The following MED17 variants were observed in gnomAD, a reference collection of about 807,000 sequenced individuals.
MED17 encodes the protein mediator complex subunit 17, also known as mediator of RNA polymerase II transcription subunit 17.
A neutral mutation model predicts 80.8 loss-of-function variants in MED17; 49 were observed. That is an observed-to-expected ratio of 0.61 (90% CI 0.48 to 0.77). The LOEUF (loss-of-function observed/expected upper bound fraction) is 0.77, where lower values mean the gene tolerates loss of function less well. Ranked by LOEUF, MED17 falls within the 30% of genes least tolerant of loss-of-function variation. MED17 has a pLI of 0.00. For synonymous variants in MED17, 281 were observed against 280.4 expected (o/e 1.00, Z -0.02); for missense variants, 718 against 787.0 (o/e 0.91, Z 1.05).
In MED17 at chr11:93,790,713, A is replaced by C; in HGVS notation, c.557A>C (p.Glu186Ala). The C allele has an allele frequency of 6.2e-7, 1 of 1,614,266 alleles. No individual in the cohort carries two copies. The highest frequency in any genetic ancestry group is 1.3e-5 in the African/African-American group (1 of 75,068). Residue 186 changes from glutamate (E) to alanine (A), a missense_variant, in exon 3 of 12, where the codon GAG becomes GCG. Transcript: ENST00000251871. Reference protein sequence around the residue: ...ENKLQRDFNSELLRLRQHWKL... With the variant: ...ENKLQRDFNSALLRLRQHWKL... ...AAGCTACAAAGAGACTTCAATTCTG[A>C]GCTTTTGCGATTACGGCAACACTGG...
At chr11:93,790,316 T>C (rs1209636224) in intron 2 of MED17, 1 of 554,584 alleles carries the variant, frequency 1.8e-6, no homozygotes, top group African/African-American at 1.9e-5. Flanking sequence ...GAGGGGACCC[T>C]AACAGGCTGG....
At chr11:93,796,324 G>A (rs920467775) in intron 6 of MED17, 86 bp from the exon 7 acceptor site, 16 of 1,209,406 alleles carry the variant, frequency 1.3e-5, no homozygotes, top group South Asian at 2.5e-5. Context: ...TTTTGAAAAT[G>A]AACTATGATT....
At chr11:93,797,773 T>A in intron 8 of MED17, 54 bp downstream of exon 8, 1 of 1,492,918 alleles carries the variant, frequency 6.7e-7, no homozygotes, top group Non-Finnish European at 9.3e-7. Flanking sequence ...TTGCAGTGTT[T>A]TCTTCTGTTA....
intron 11 of MED17, chr11:93,810,770 T>G (rs1944078734): frequency 6.6e-6 from 1 of 152,222 alleles, no homozygotes; most frequent in African/African-American, 2.4e-5. Flanking sequence ...TAGCTTAAAT[T>G]TACATTTGAA....
chr11:93,809,855 A>G lies in MED17; in HGVS notation c.1723A>G (p.Ser575Gly), dbSNP rs761173998. 5.6e-6 allele frequency: 9 copies of G among 1,614,070 alleles called. No individual in the cohort carries two copies. In the African/African-American group the frequency reaches 6.7e-5, roughly 12 times the overall value. ...ATCTGCCATCACGGTGGCCTCCCCA[A>G]GTGGTGACTATGCTATTTCAGGTAC... ...NASAITVASP[S>G]GDYAISVRNG... Residue 575 changes from serine to glycine, a missense_variant, in exon 11 of 12, where the codon AGT (serine) becomes GGT (glycine). Coordinates refer to ENST00000251871, the MANE Select transcript of MED17 (RefSeq NM_004268.5).
intron 1 of MED17, among the ~76,000 whole-genome samples, chr11:93,785,965 C>G (rs1943765288): frequency 6.6e-6 from 1 of 152,032 alleles, no homozygotes; most frequent in African/African-American, 2.4e-5. Context: ...GATTGTGCCA[C>G]CGCACTCCAG....
At chr11:93,794,824 T>G (rs1428074850) in intron 5 of MED17, 84 bp from the exon 6 acceptor site, 2 of 1,404,726 alleles carry the variant, frequency 1.4e-6, no homozygotes, top group African/African-American at 2.9e-5. Flanking sequence ...CCTAAACTTT[T>G]GTCATATGTA....
intron 11 of MED17, chr11:93,811,644 AT>A (rs1749426706): frequency 1.7e-6 from 1 of 572,592 alleles, no homozygotes; most frequent in African/African-American, 1.9e-5. Context: ...GGTACAAATA[AT>A]AATTCATGAA....
intron 3 of MED17, among the ~76,000 whole-genome samples, chr11:93,791,576 A>AT: frequency 6.6e-6 from 1 of 151,986 alleles, no homozygotes; most frequent in Non-Finnish European, 1.5e-5. Context: ...GTGGTGTTGC[A>AT]TACCTGTTAG....
chr11:93,795,220 C>G (rs1211206905), intron 6 of MED17, 160 bp downstream of exon 6: 1 of 821,148 alleles, frequency 1.2e-6, no homozygotes, highest in Non-Finnish European at 2.1e-6. Flanking sequence ...ACAAACTATA[C>G]TGTGGAATCT....
intron 3 of MED17, 64 bp from the exon 4 acceptor site, chr11:93,793,664 A>C (rs1344914721): frequency 2.5e-6 from 3 of 1,190,568 alleles, no homozygotes; most frequent in Non-Finnish European, 3.7e-6. Flanking sequence ...TTATATATTT[A>C]ATAATGTGTG....
chr11:93,788,131 T>A lies in MED17; in HGVS notation c.381T>A (p.Leu127=), dbSNP rs745945447. The change falls in exon 2 of 12, where the codon CTT becomes CTA. Residue 127 remains leucine (L), a synonymous_variant. Transcript: ENST00000251871. Reference sequence around the variant, plus strand: ...TTAGGGATAAAAAATTTATGACTCTTGATCCTGTCTCTCAGGATGCACTTC... The same window carrying A: ...TTAGGGATAAAAAATTTATGACTCTAGATCCTGTCTCTCAGGATGCACTTC... ...SIVRDKKFMT[L]DPVSQDALPP... 2 of 1,613,434 alleles carry A rather than the reference T, an allele frequency of 1.2e-6. No individual in the cohort carries two copies. Among genetic ancestry groups the A allele is most frequent in the African/African-American group, 1.3e-5 (1 of 74,912 alleles).
intron 9 of MED17, chr11:93,806,303 A>G (rs2135720738): frequency 6.6e-6 from 1 of 152,220 alleles, no homozygotes; most frequent in South Asian, 2.1e-4. Context: ...TTATGTAGAC[A>G]ATCACTAAAA....
chr11:93,784,676 T>G lies in MED17; in HGVS notation c.163T>G (p.Ser55Ala). 6.4e-7 allele frequency: 1 copy of G among 1,558,986 alleles called. No homozygotes were observed. Among genetic ancestry groups the G allele is most frequent in the Non-Finnish European group, 8.7e-7 (1 of 1,152,248 alleles). Residue 55 changes from serine (S) to alanine (A), a missense_variant, in exon 1 of 12, where the codon TCC (serine) becomes GCC (alanine). By Grantham distance (99) the Ser-to-Ala change is moderately conservative. Transcript: ENST00000251871. The part of the protein sequence containing the change: ...QRIDFSQGSG[S>A]EEEEAAGTEG... The stretch of plus-strand genomic sequence containing the variant: ...GATAGACTTCAGCCAGGGTTCGGGC[T>G]CCGAGGAGGAGGAGGCGGCGGGGAC...
Position 93,794,917 on chromosome 11 carries a change from A to G in MED17, c.869A>G (p.His290Arg). The G allele has an allele frequency of 1.9e-6, 3 of 1,614,228 alleles. No homozygotes were observed. The highest frequency in any genetic ancestry group is 2.5e-6 in the Non-Finnish European group (3 of 1,180,034). ...PLPKSKPGSP[H>R]WQTKLEAAQN... is the part of the protein sequence containing the mutation. ...ATTTCTTGTCTTTCAGGTTCCCCAC[A>G]TTGGCAGACAAAATTAGAAGCGGCA... The change falls in exon 6 of 12, where the codon CAT becomes CGT. Residue 290 changes from histidine (H) to arginine (R), a missense_variant. Coordinates refer to ENST00000251871, the MANE Select transcript of MED17 (RefSeq NM_004268.5).
At position 93,796,538 on chromosome 11, in the gene MED17, G is replaced by A. The variant is rs1943904814; in HGVS notation, c.1141G>A (p.Glu381Lys). The change falls in exon 7 of 12, where the codon GAG (glutamate) becomes AAG (lysine). Residue 381 changes from glutamate to lysine, a missense_variant and splice_region_variant. Glu to Lys is a moderately conservative substitution (Grantham distance 56). Coordinates refer to ENST00000251871, the MANE Select transcript of MED17 (RefSeq NM_004268.5). ...GCATAATTTGCATCTACTGATTAGA[G>A]AGGTAAGGAAATAAATGTTTTTCTT... ...LEHNLHLLIR[E>K]FHKQTLSSIM... The A allele has an allele frequency of 6.2e-7, 1 of 1,613,966 alleles. No individual in the cohort carries two copies. The highest frequency in any genetic ancestry group is 8.5e-7 in the Non-Finnish European group (1 of 1,179,994).
Position 93,794,024 on chromosome 11 carries a change from A to G in MED17, c.848A>G (p.Lys283Arg). The G allele has an allele frequency of 6.2e-7, 1 of 1,613,060 alleles. No homozygotes were observed. Among genetic ancestry groups the G allele is most frequent in the South Asian group, 1.1e-5 (1 of 91,054 alleles). Reference sequence around the variant, plus strand: ...AACCTCTTCAAACGACCTTTGCCCAAATCCAAACCAGGTATGGTTATGTTC... The same window carrying G: ...AACCTCTTCAAACGACCTTTGCCCAGATCCAAACCAGGTATGGTTATGTTC... ...TVNLFKRPLP[K>R]SKPGSPHWQT... Residue 283 changes from lysine (K) to arginine (R), a missense_variant, in exon 5 of 12, where the codon AAA (lysine) becomes AGA (arginine). Lys to Arg is a conservative substitution (Grantham distance 26). Transcript: ENST00000251871.
chr11:93,797,439 C>A, intron 7 of MED17, 96 bp from the exon 8 acceptor site: 1 of 1,218,416 alleles, frequency 8.2e-7, no homozygotes, highest in Non-Finnish European at 1.2e-6. Flanking sequence ...GGTTCAAATC[C>A]ATTCCTTTCA....
chr11:93,784,955 T>G (rs1227914980), intron 1 of MED17, 192 bp downstream of exon 1: 16 of 744,706 alleles, frequency 2.1e-5, no homozygotes, highest in Non-Finnish European at 3.2e-5. Flanking sequence ...CTTTACGTAA[T>G]ACTCCTGCGG....
Sources: gnomAD v4.1 joint callset for allele counts (sites outside exome capture counted in the v4.1 genomes callset) on GRCh38, gnomAD v4.1.1 for gene constraint, MANE v1.5 for transcripts, NCBI Gene and HGNC (gene_info 2026-07-23, HGNC 2026-07-21) for gene names.